Variants in PRKG1 observed in about 807,000 individuals in gnomAD.
The protein encoded by PRKG1 is protein kinase cGMP-dependent 1.
In PRKG1, 35 loss-of-function variants were observed where a neutral mutation model predicts 88.1. The observed-to-expected ratio is 0.40, with a 90% CI of 0.30 to 0.53. PRKG1 has a LOEUF of 0.53. PRKG1 is among the 20% of genes least tolerant of loss of function. The probability of loss-of-function intolerance (pLI) is 0.59; values close to 1 mark genes in which losing one functional copy is unlikely to be tolerated. For missense variants in PRKG1, 540 were observed against 839.8 expected, an observed-to-expected ratio of 0.64 and a Z score of 4.41; for synonymous variants, 303 against 292.5, an observed-to-expected ratio of 1.04 and a Z score of -0.37.
chr10:51,662,458 G>A (rs755760965), intron 3 of PRKG1, among the ~76,000 whole-genome samples: 2 of 152,042 alleles, frequency 1.3e-5, no homozygotes, highest in Non-Finnish European at 2.9e-5. Context: ...ACAAAATTAT[G>A]TGCTATGTAG....
At chr10:51,520,044 T>C (rs1298684577) in intron 3 of PRKG1, among the ~76,000 whole-genome samples, 1 of 152,126 alleles carries the variant, frequency 6.6e-6, no homozygotes, top group African/African-American at 2.4e-5. Context: ...AGAAGTCAAA[T>C]GACTTGCCTA....
intron 4 of PRKG1, among the ~76,000 whole-genome samples, chr10:51,816,527 T>C (rs1839589414): frequency 1.5e-5 from 2 of 130,068 alleles, no homozygotes; most frequent in African/African-American, 6.8e-5. Context: ...TCCTAACATA[T>C]AATTTTGGCA....
At chr10:52,108,895 C>G (rs1015204711) in intron 7 of PRKG1, among the ~76,000 whole-genome samples, 3 of 7,542 alleles carry the variant, frequency 4.0e-4, no homozygotes, top group Non-Finnish European at 7.3e-4. Context: ...GGCGCAATCT[C>G]AGCTCACTGC....
At chr10:51,588,206 A>T (rs1477350805) in intron 3 of PRKG1, among the ~76,000 whole-genome samples, 4 of 152,054 alleles carry the variant, frequency 2.6e-5, no homozygotes, top group Admixed American at 2.6e-4. Context: ...TTGAGTATAC[A>T]GTGCACATTT....
At chr10:51,350,241 T>G (rs745331663) in intron 2 of PRKG1, among the ~76,000 whole-genome samples, 4 of 152,258 alleles carry the variant, frequency 2.6e-5, no homozygotes, top group Middle Eastern at 3.4e-3. Context: ...CTCCCCAAGA[T>G]AGACTGACCT....
At chr10:51,585,245 A>C (rs751993979) in intron 3 of PRKG1, among the ~76,000 whole-genome samples, 98 of 152,154 alleles carry the variant, frequency 6.4e-4, no homozygotes, top group Admixed American at 1.2e-3. Flanking sequence ...AGTTTGATCA[A>C]GGAAAATAAA....
In PRKG1 at chr10:52,239,551, G is replaced by C. The variant is rs908906033; in HGVS notation, c.1077-12019G>C. ...AAAAAAAAAAAAAAAAAAAAGAATT[G>C]TCATAATAGGCCTGAATGCCCCCTC... On this transcript the variant is annotated intron_variant, in intron 9 of 17. Coordinates refer to ENST00000373980, the MANE Select transcript of PRKG1 (RefSeq NM_006258.4). Among the ~76,000 whole-genome samples the C allele has an allele frequency of 7.1e-4, 68 of 96,214 alleles. 1 individual carries two copies. In the East Asian group the frequency reaches 0.018, roughly 26 times the overall value. 63.1% of individuals were successfully genotyped at this position (96,214 alleles called of 152,430 possible). A position where few individuals can be genotyped will look rare whatever the true frequency, so the allele number is the denominator to read the frequency against.
rs369045761 is a variant in PRKG1, at chr10:51,473,199, A to G, written c.592+5363A>G. ...TAAATCCAATTATGTAATCCCTGAGAAATAAATTAATTTCTTTAATAAAGG... is the reference window on the plus strand; with the variant it reads ...TAAATCCAATTATGTAATCCCTGAGGAATAAATTAATTTCTTTAATAAAGG... On this transcript the variant is annotated intron_variant, in intron 3 of 17. Transcript: ENST00000373980. 5.3e-4 allele frequency among the ~76,000 whole-genome samples: 80 copies of G among 151,666 alleles called. No homozygotes were observed. In the South Asian group the frequency reaches 0.016, roughly 31 times the overall value.
intron 2 of PRKG1, among the ~76,000 whole-genome samples, chr10:51,310,452 A>G (rs1207132874): frequency 6.6e-6 from 1 of 152,204 alleles, no homozygotes; most frequent in Non-Finnish European, 1.5e-5. Flanking sequence ...GTTAACAGAA[A>G]TCATTCCATA....
chr10:51,546,443 T>C (rs146240685), intron 3 of PRKG1, among the ~76,000 whole-genome samples: 20 of 152,226 alleles, frequency 1.3e-4, no homozygotes, highest in African/African-American at 4.8e-4. Context: ...TTGTACGTAA[T>C]ACTTTTAATT....
At chr10:51,207,109 C>T (rs1354071076) in intron 2 of PRKG1, among the ~76,000 whole-genome samples, 1 of 151,906 alleles carries the variant, frequency 6.6e-6, no homozygotes, top group East Asian at 1.9e-4. Context: ...ATTTCAATTG[C>T]CAGAGAGCCT....
chr10:51,284,901 T>A (rs1418548417), intron 2 of PRKG1, among the ~76,000 whole-genome samples: 4 of 150,112 alleles, frequency 2.7e-5, no homozygotes, highest in Non-Finnish European at 5.9e-5. Flanking sequence ...CTATTCTTTT[T>A]TTTTTTATTA....
rs73344918 is a variant in PRKG1 at position 52,148,755 on chromosome 10, G to A, written c.1002-13134G>A. Among the ~76,000 whole-genome samples the A allele has an allele frequency of 9.5e-3, 1,441 of 152,166 alleles. 27 individuals are homozygous for A. Among genetic ancestry groups the A allele is most frequent in the African/African-American group, 0.033 (1,377 of 41,520 alleles). On this transcript the variant is annotated intron_variant, in intron 8 of 17. Coordinates refer to ENST00000373980, the MANE Select transcript of PRKG1 (RefSeq NM_006258.4). ...CCCTGAACCTCAGATAGCTCACCGA[G>A]GATGGGACCTGGAAAGAGACCACTG...
At chr10:51,900,118 G>T (rs892666061) in intron 4 of PRKG1, among the ~76,000 whole-genome samples, 10 of 152,202 alleles carry the variant, frequency 6.6e-5, no homozygotes, top group Middle Eastern at 3.4e-3. Flanking sequence ...AAATTACCCA[G>T]CCTTAGGTAT....
intron 3 of PRKG1, among the ~76,000 whole-genome samples, chr10:51,487,740 G>A (rs182013127): frequency 5.3e-5 from 8 of 152,246 alleles, no homozygotes; most frequent in Admixed American, 1.3e-4. Flanking sequence ...AACGAAGCTC[G>A]TAATTTATTG....
intron 2 of PRKG1, among the ~76,000 whole-genome samples, chr10:51,336,467 G>A (rs919633879): frequency 5.9e-5 from 9 of 152,194 alleles, no homozygotes; most frequent in African/African-American, 1.9e-4. Flanking sequence ...TAATAGGACA[G>A]AGGAAACTCA....
At chr10:51,291,258 C>G (rs942384347) in intron 2 of PRKG1, among the ~76,000 whole-genome samples, 7 of 152,028 alleles carry the variant, frequency 4.6e-5, no homozygotes, top group Non-Finnish European at 4.4e-5. Flanking sequence ...TGACTGAAGC[C>G]AAAAGTTAAT....
intron 1 of PRKG1, among the ~76,000 whole-genome samples, chr10:51,091,035 A>C (rs976581541): frequency 6.6e-6 from 1 of 152,194 alleles, no homozygotes; most frequent in African/African-American, 2.4e-5. Flanking sequence ...CAAAAACAAT[A>C]TGATTGTGGA....
intron 2 of PRKG1, among the ~76,000 whole-genome samples, chr10:51,226,128 C>T (rs989938845): frequency 2.0e-5 from 3 of 152,060 alleles, no homozygotes; most frequent in Non-Finnish European, 4.4e-5. Flanking sequence ...TACTTGAACC[C>T]GGGATTCAGA....
Sources: allele counts gnomAD v4.1 joint callset (sites outside exome capture counted in the v4.1 genomes callset), GRCh38; gene constraint gnomAD v4.1.1; transcripts MANE v1.5; gene names NCBI Gene and HGNC (gene_info 2026-07-23, HGNC 2026-07-21).